SULF1: variants seen among roughly 807,000 people sequenced by gnomAD.
SULF1 encodes the protein sulfatase 1, also known as extracellular sulfatase Sulf-1.
SULF1 carries 46 observed loss-of-function variants against 110.5 expected under a neutral mutation model. The ratio of observed to expected loss-of-function variants is 0.42; its 90% CI spans 0.33 to 0.53. The LOEUF (loss-of-function observed/expected upper bound fraction) is 0.53, where lower values mean the gene tolerates loss of function less well. Ranked by LOEUF, SULF1 falls within the 20% of genes least tolerant of loss-of-function variation. SULF1 has a pLI of 0.12. For missense variants in SULF1, 941 were observed against 1,094.2 expected, an observed-to-expected ratio of 0.86 and a Z score of 1.98; for synonymous variants, 371 against 387.1, an observed-to-expected ratio of 0.96 and a Z score of 0.49.
At chr8:69,617,070 A>G (rs1365770226) in intron 13 of SULF1, among the ~76,000 whole-genome samples, 2 of 152,098 alleles carry the variant, frequency 1.3e-5, no homozygotes, top group Non-Finnish European at 2.9e-5. Context: ...ACATACAGAC[A>G]GACACTCAAA....
intron 22 of SULF1, among the ~76,000 whole-genome samples, chr8:69,647,049 A>G (rs758573028): frequency 6.7e-6 from 1 of 150,136 alleles, no homozygotes; most frequent in Non-Finnish European, 1.5e-5. Flanking sequence ...GGTTCAAGCA[A>G]TTCCCCTGCC....
chr8:69,537,344 G>C (rs1445149001), intron 3 of SULF1, among the ~76,000 whole-genome samples: 4 of 152,152 alleles, frequency 2.6e-5, no homozygotes, highest in Admixed American at 1.3e-4. Flanking sequence ...CAAGGTATCA[G>C]GCACTTTAAG....
intron 2 of SULF1, among the ~76,000 whole-genome samples, chr8:69,500,182 C>G (rs1448321354): frequency 6.6e-6 from 1 of 152,046 alleles, no homozygotes; most frequent in African/African-American, 2.4e-5. Context: ...TATTACTGGT[C>G]TAAAAAAAAT....
At chr8:69,583,145 A>T (rs1806195094) in intron 6 of SULF1, among the ~76,000 whole-genome samples, 1 of 152,206 alleles carries the variant, frequency 6.6e-6, no homozygotes, top group Non-Finnish European at 1.5e-5. Flanking sequence ...ACAAACAAAC[A>T]TTGCCATGTT....
At chr8:69,590,603 A>G (rs557413613) in intron 8 of SULF1, among the ~76,000 whole-genome samples, 2 of 152,362 alleles carry the variant, frequency 1.3e-5, no homozygotes, top group African/African-American at 4.8e-5. Context: ...GACAAGAACT[A>G]ACAATATGAA....
chr8:69,548,913 A>T (rs1344521178), intron 3 of SULF1, among the ~76,000 whole-genome samples: 1 of 152,152 alleles, frequency 6.6e-6, no homozygotes. Flanking sequence ...AATGATTGTC[A>T]CCACCTCCCC....
intron 6 of SULF1, among the ~76,000 whole-genome samples, chr8:69,581,434 G>C (rs1159078224): frequency 1.3e-5 from 2 of 152,144 alleles, no homozygotes; most frequent in Non-Finnish European, 2.9e-5. Context: ...AGCATGGCCT[G>C]AAGCCAACAA....
At chr8:69,642,842 G>A (rs757906393) in intron 22 of SULF1, among the ~76,000 whole-genome samples, 5 of 152,176 alleles carry the variant, frequency 3.3e-5, no homozygotes, top group East Asian at 1.9e-4. Context: ...CACTTTGGGC[G>A]TAAATGACAA....
rs1437619911 is a variant in SULF1 at position 69,598,859 on chromosome 8, A to G, written c.735-1744A>G. On this transcript the variant is annotated intron_variant, in intron 8 of 22. Transcript: ENST00000402687. ...TTAGAGACAGTGTCTTCTAAGCTCA[A>G]TGTGATATTATTTGTGCTGCTGTGC... 4.6e-5 allele frequency among the ~76,000 whole-genome samples: 7 copies of G among 152,324 alleles called. No individual in the cohort carries two copies. The East Asian group carries it at 5.8e-4, about 13-fold the overall frequency.
At position 69,604,767 on chromosome 8, in the gene SULF1, C is replaced by T. The variant is rs758961452; in HGVS notation, c.1248-36C>T. On this transcript the variant is annotated intron_variant, in intron 12 of 22. Coordinates refer to ENST00000402687, the MANE Select transcript of SULF1 (RefSeq NM_001128205.2). The stretch of plus-strand genomic sequence containing the variant: ...GACTCAGGGACCGTAATTCAGATCA[C>T]TTCTCATGTACGAAGCTTTTCCCTT... The T allele has an allele frequency of 8.1e-6, 13 of 1,611,264 alleles. No individual in the cohort carries two copies. In the Admixed American group the frequency reaches 1.8e-4, roughly 23 times the overall value.
At chr8:69,483,387 T>C (rs959669260) in intron 1 of SULF1, among the ~76,000 whole-genome samples, 35 of 152,194 alleles carry the variant, frequency 2.3e-4, no homozygotes, top group Non-Finnish European at 4.9e-4. Flanking sequence ...TGGACAGGCA[T>C]TGTGGGACCC....
chr8:69,495,350 A>G (rs1810267153), intron 1 of SULF1, among the ~76,000 whole-genome samples: 1 of 152,106 alleles, frequency 6.6e-6, no homozygotes. Context: ...GCTTGTGAAT[A>G]GATACTGCAC....
chr8:69,538,397 C>CT (rs1314016800), intron 3 of SULF1, among the ~76,000 whole-genome samples: 1 of 151,614 alleles, frequency 6.6e-6, no homozygotes, highest in Non-Finnish European at 1.5e-5. Context: ...CAGTCAGTGA[C>CT]TATCAATTTG....
rs1422581420 is a variant in SULF1, at chr8:69,658,996, A to T, written c.*461A>T. The T allele has an allele frequency of 8.7e-6, 4 of 457,392 alleles. No homozygotes were observed. Among genetic ancestry groups the T allele is most frequent in the Non-Finnish European group, 1.8e-5 (4 of 227,358 alleles). The allele number at this position is 457,392 out of a possible 1,614,324, so 28.3% of individuals were successfully genotyped here. A position where few individuals can be genotyped will look rare whatever the true frequency, so the allele number is the denominator to read the frequency against. ...CGAAAAATGGACGGGGCATGAAGAG[A>T]CTAATCATCTGGAAACCGATTTCAG... On this transcript the variant is annotated 3_prime_UTR_variant, in exon 23 of 23. Coordinates refer to ENST00000402687, the MANE Select transcript of SULF1 (RefSeq NM_001128205.2).
intron 22 of SULF1, among the ~76,000 whole-genome samples, chr8:69,647,628 A>C (rs1812020707): frequency 6.6e-6 from 1 of 152,066 alleles, no homozygotes; most frequent in Admixed American, 6.5e-5. Context: ...ACGGCTAGGC[A>C]CAGTGGCTCA....
At position 69,642,090 on chromosome 8, in the gene SULF1, A is replaced by G. The variant is rs540105790; in HGVS notation, c.2585+1249A>G. 8 of 425,400 alleles carry G rather than the reference A, an allele frequency of 1.9e-5. No individual in the cohort carries two copies. In the East Asian group the frequency reaches 7.9e-4, roughly 42 times the overall value. The allele number at this position is 425,400 out of a possible 1,614,324, so 26.4% of individuals were successfully genotyped here. On this transcript the variant is annotated intron_variant, in intron 22 of 22. Transcript: ENST00000402687. Reference sequence around the variant, plus strand: ...GTTAATGTATCCACTTGGGAGAAAAACATCCGTCAAAGAAATGTGAACTTA... The same window carrying G: ...GTTAATGTATCCACTTGGGAGAAAAGCATCCGTCAAAGAAATGTGAACTTA...
intron 2 of SULF1, among the ~76,000 whole-genome samples, chr8:69,497,532 A>G (rs1810452004): frequency 6.6e-6 from 1 of 152,190 alleles, no homozygotes; most frequent in African/African-American, 2.4e-5. Context: ...AAAAATGAAC[A>G]TTTACCTTAC....
At chr8:69,576,705 A>C (rs1445165697) in intron 6 of SULF1, among the ~76,000 whole-genome samples, 1 of 152,186 alleles carries the variant, frequency 6.6e-6, no homozygotes, top group Non-Finnish European at 1.5e-5. Context: ...CCTTCTGGTA[A>C]TATTAGCCCC....
At chr8:69,508,271 A>G (rs1047971138) in intron 3 of SULF1, among the ~76,000 whole-genome samples, 3 of 152,052 alleles carry the variant, frequency 2.0e-5, no homozygotes, top group Non-Finnish European at 4.4e-5. Context: ...ACGCCCAGCT[A>G]ATTTTGTATT....
Sources: allele counts gnomAD v4.1 joint callset (sites outside exome capture counted in the v4.1 genomes callset), GRCh38; gene constraint gnomAD v4.1.1; transcripts MANE v1.5; gene names NCBI Gene and HGNC (gene_info 2026-07-23, HGNC 2026-07-21).